SLC1A2: variants seen among roughly 807,000 people sequenced by gnomAD.
SLC1A2 encodes the protein solute carrier family 1 member 2, also known as excitatory amino acid transporter 2.
Under a neutral mutation model 48.8 loss-of-function variants are expected in SLC1A2, and 15 were observed. The ratio of observed to expected loss-of-function variants is 0.31; its 90% confidence interval spans 0.21 to 0.47. The LOEUF (loss-of-function observed/expected upper bound fraction) is 0.47, where lower values mean the gene tolerates loss of function less well. Among genes scored for constraint, SLC1A2 ranks in the 20% least tolerant of loss-of-function variants. SLC1A2 has a pLI of 0.99. For synonymous variants in SLC1A2, 279 were observed against 272.6 expected (o/e 1.02, Z -0.23); for missense variants, 502 against 730.5 (o/e 0.69, Z 3.61).
intron 1 of SLC1A2, among the ~76,000 whole-genome samples, chr11:35,395,749 A>G (rs986591726): frequency 6.8e-6 from 1 of 146,390 alleles, no homozygotes; most frequent in Non-Finnish European, 1.5e-5. Flanking sequence ...ATATGTATAC[A>G]TGTGCCGTGC....
At chr11:35,349,246 C>T (rs185256947) in intron 1 of SLC1A2, among the ~76,000 whole-genome samples, 105 of 152,136 alleles carry the variant, frequency 6.9e-4, no homozygotes, top group Middle Eastern at 3.4e-3. Context: ...TAAAAACCAG[C>T]GCCAAATCGA....
chr11:35,293,989 A>T (rs1851091071), intron 6 of SLC1A2, among the ~76,000 whole-genome samples: 1 of 152,178 alleles, frequency 6.6e-6, no homozygotes, highest in Non-Finnish European at 1.5e-5. Context: ...ATTTTTGAGC[A>T]TGCATATATG....
chr11:35,338,506 G>A (rs1435588148), intron 1 of SLC1A2, among the ~76,000 whole-genome samples: 1 of 152,106 alleles, frequency 6.6e-6, no homozygotes, highest in African/African-American at 2.4e-5. Flanking sequence ...GACCAAGTTG[G>A]TCCAGTGAGA....
In SLC1A2 at chr11:35,315,259, A is replaced by T. The variant is rs1441383852; in HGVS notation, c.158-84T>A. ...CTAGACACTTATTTCAGCAACATTG[A>T]CCTTTCTCATGCTTCTGCAGTATTA... On this transcript the variant is annotated intron_variant, in intron 2 of 10. Transcript: ENST00000278379. The T allele has an allele frequency of 4.1e-6, 4 of 967,952 alleles. No homozygotes were observed. The Admixed American group carries it at 6.1e-5, about 15-fold the overall frequency. 60.0% of individuals were successfully genotyped at this position (967,952 alleles called of 1,614,324 possible).
At chr11:35,305,326 C>T (rs1400227660) in intron 5 of SLC1A2, among the ~76,000 whole-genome samples, 1 of 152,162 alleles carries the variant, frequency 6.6e-6, no homozygotes, top group Non-Finnish European at 1.5e-5. Flanking sequence ...GCTACTGTGC[C>T]CTATATGCAC....
At chr11:35,385,188 A>T (rs1854549057) in intron 1 of SLC1A2, among the ~76,000 whole-genome samples, 1 of 152,254 alleles carries the variant, frequency 6.6e-6, no homozygotes. Flanking sequence ...GAGAAAGGCC[A>T]GAAAATGTCC....
At chr11:35,415,410 A>T (rs138702820) in intron 1 of SLC1A2, among the ~76,000 whole-genome samples, 230 of 152,324 alleles carry the variant, frequency 1.5e-3, no homozygotes, top group Admixed American at 2.9e-3. Flanking sequence ...TCATAGCTCT[A>T]CTAATATCTA....
Position 35,384,764 on chromosome 11 carries a change from C to T in SLC1A2, c.17+34186G>A, listed in dbSNP as rs114507984. Among the ~76,000 whole-genome samples, 841 of 152,312 alleles carry T rather than the reference C, an allele frequency of 5.5e-3. 3 individuals are homozygous for T. Among genetic ancestry groups the T allele is most frequent in the African/African-American group, 0.018 (728 of 41,564 alleles). On this transcript the variant is annotated intron_variant, in intron 1 of 10. Transcript: ENST00000278379. ...ATATGCTTGTTCTATTGGACAGTTA[C>T]ACAAAGACTTTGAACCATAGAATTT...
chr11:35,263,737 G>T (rs1393368136), intron 10 of SLC1A2, among the ~76,000 whole-genome samples: 2 of 152,142 alleles, frequency 1.3e-5, no homozygotes, highest in Admixed American at 1.3e-4. Context: ...AATAATTTGA[G>T]TTCAAGTCTT....
chr11:35,319,868 C>T (rs1232405913), intron 1 of SLC1A2, among the ~76,000 whole-genome samples: 1 of 152,162 alleles, frequency 6.6e-6, no homozygotes, highest in Non-Finnish European at 1.5e-5. Context: ...TCGTGAGTTA[C>T]CCTCTTGGAA....
At chr11:35,332,267 T>C (rs181796285) in intron 1 of SLC1A2, among the ~76,000 whole-genome samples, 1 of 152,350 alleles carries the variant, frequency 6.6e-6, no homozygotes, top group East Asian at 1.9e-4. Flanking sequence ...GTGGTGATGA[T>C]GTGGTATGTT....
chr11:35,317,517 C>T lies in SLC1A2; in HGVS notation c.18-1G>A. 6.2e-7 allele frequency: 1 copy of T among 1,613,062 alleles called. No individual in the cohort carries two copies. The highest frequency in any genetic ancestry group is 8.5e-7 in the Non-Finnish European group (1 of 1,179,820). ...CACCTGCTTGGGCATATTGTTGGCA[C>T]TGGAACAGAAGTGAAGGCAGAGATT... On this transcript the variant is annotated splice_acceptor_variant, in intron 1 of 10. Coordinates refer to ENST00000278379, the MANE Select transcript of SLC1A2 (RefSeq NM_004171.4). LOFTEE classifies it high-confidence loss of function.
intron 1 of SLC1A2, among the ~76,000 whole-genome samples, chr11:35,369,076 G>T (rs1345165111): frequency 6.6e-6 from 1 of 152,138 alleles, no homozygotes. Context: ...ACACAAGTCT[G>T]GGAGAGCTCA....
intron 1 of SLC1A2, among the ~76,000 whole-genome samples, chr11:35,370,042 G>A (rs971265824): frequency 1.3e-5 from 2 of 152,176 alleles, no homozygotes; most frequent in Non-Finnish European, 2.9e-5. Flanking sequence ...AAGGCATGAA[G>A]GGAAAAGTAT....
chr11:35,407,142 C>A (rs1350239036), intron 1 of SLC1A2, among the ~76,000 whole-genome samples: 1 of 151,082 alleles, frequency 6.6e-6, no homozygotes, highest in Non-Finnish European at 1.5e-5. Flanking sequence ...AGCTTGCTGA[C>A]TAATGAGGCT....
chr11:35,334,026 G>C (rs992845545), intron 1 of SLC1A2, among the ~76,000 whole-genome samples: 1 of 151,924 alleles, frequency 6.6e-6, no homozygotes, highest in South Asian at 2.1e-4. Flanking sequence ...TATTATTATT[G>C]AAAGTTACTA....
intron 4 of SLC1A2, among the ~76,000 whole-genome samples, chr11:35,307,719 A>G (rs759124502): frequency 2.0e-4 from 31 of 152,332 alleles, no homozygotes; most frequent in Non-Finnish European, 4.1e-4. Context: ...TTATTTCCAC[A>G]GTCTGTGCTG....
intron 9 of SLC1A2, among the ~76,000 whole-genome samples, chr11:35,274,171 G>C (rs956716370): frequency 6.6e-6 from 1 of 152,200 alleles, no homozygotes; most frequent in Non-Finnish European, 1.5e-5. Flanking sequence ...GTCGATGAAG[G>C]GGAGACGACT....
chr11:35,291,956 T>G (rs1437915570), intron 7 of SLC1A2: 1 of 238,270 alleles, frequency 4.2e-6, no homozygotes, highest in Non-Finnish European at 8.2e-6. Flanking sequence ...AAAAATATCC[T>G]GTTACACTCC....
Sources: gnomAD v4.1 joint callset for allele counts (sites outside exome capture counted in the v4.1 genomes callset) on GRCh38, gnomAD v4.1.1 for gene constraint, MANE v1.5 for transcripts, NCBI Gene and HGNC (gene_info 2026-07-23, HGNC 2026-07-21) for gene names.